The following HERC3 variants were observed in gnomAD, a reference collection of about 807,000 sequenced individuals.
HERC3 encodes probable E3 ubiquitin-protein ligase HERC3.
HERC3 carries 58 observed loss-of-function variants against 129.9 expected under a neutral mutation model. The ratio of observed to expected loss-of-function variants is 0.45; its 90% CI spans 0.36 to 0.56. The LOEUF is 0.56. Among genes scored for constraint, HERC3 ranks in the 20% least tolerant of loss-of-function variants. The pLI, the probability that HERC3 is intolerant of heterozygous loss-of-function variation, is 0.00. For synonymous variants in HERC3, 430 were observed against 451.0 expected, an observed-to-expected ratio of 0.95 and a Z score of 0.59; for missense variants, 835 against 1,244.2, an observed-to-expected ratio of 0.67 and a Z score of 4.95.
intron 12 of HERC3, among the ~76,000 whole-genome samples, chr4:88,666,377 G>A (rs968612472): frequency 1.1e-4 from 17 of 152,016 alleles, no homozygotes; most frequent in African/African-American, 4.1e-4. Flanking sequence ...ATAGCAAAAA[G>A]CATATGGAAA....
the HERC3 span, among the ~76,000 whole-genome samples, chr4:88,529,921 G>C: frequency 6.6e-6 from 1 of 152,060 alleles, no homozygotes; most frequent in Non-Finnish European, 1.5e-5. Context: ...TATTGATTCG[G>C]TTCAGTAAAT....
the HERC3 span, among the ~76,000 whole-genome samples, chr4:88,557,624 A>T: frequency 6.6e-6 from 1 of 152,194 alleles, no homozygotes; most frequent in Non-Finnish European, 1.5e-5. Flanking sequence ...CTCATTATAT[A>T]AAGAATAAAG....
rs201978921 is a variant in HERC3 at position 88,678,112 on chromosome 4, T to A, written c.2174T>A (p.Ile725Asn). ...AGAGAGCTGAGCATTCATTCTGATA[T>A]TGATTTGAAAAAGCCTCTCAAAGTG... Reference protein sequence around the residue: ...ALRELSIHSDIDLKKPLKVIF... With the variant: ...ALRELSIHSDNDLKKPLKVIF... The change falls in exon 19 of 26, where the codon ATT (isoleucine) becomes AAT (asparagine). Residue 725 changes from isoleucine to asparagine, a missense_variant. Physicochemically the swap from Ile to Asn is moderately radical, Grantham distance 149. Coordinates refer to ENST00000402738, the MANE Select transcript of HERC3 (RefSeq NM_014606.3). 1.9e-5 allele frequency: 31 copies of A among 1,613,932 alleles called. No individual in the cohort carries two copies. The highest frequency in any genetic ancestry group is 2.5e-5 in the Non-Finnish European group (29 of 1,179,978).
intron 2 of HERC3, among the ~76,000 whole-genome samples, chr4:88,603,684 A>T (rs1723282705): frequency 6.6e-6 from 1 of 152,220 alleles, no homozygotes; most frequent in South Asian, 2.1e-4. Context: ...TTCCAACTTT[A>T]TCAATAGTCA....
chr4:88,694,115 C>A (rs1734351191), intron 23 of HERC3, among the ~76,000 whole-genome samples: 1 of 152,146 alleles, frequency 6.6e-6, no homozygotes, highest in South Asian at 2.1e-4. Context: ...TTATCATAAA[C>A]AAAAGAAAGA....
the HERC3 span, among the ~76,000 whole-genome samples, chr4:88,571,126 A>T: frequency 6.6e-6 from 1 of 152,052 alleles, no homozygotes; most frequent in Non-Finnish European, 1.5e-5. Context: ...GGTCAGTCCC[A>T]GGTGCCATCG....
the HERC3 span, among the ~76,000 whole-genome samples, chr4:88,570,905 C>T: frequency 4.3e-4 from 66 of 151,846 alleles, 1 homozygote; most frequent in East Asian, 0.013. Flanking sequence ...AGGCGCCCAC[C>T]ACCACCCCCA....
the HERC3 span, among the ~76,000 whole-genome samples, chr4:88,578,506 C>T: frequency 1.3e-3 from 192 of 151,672 alleles, no homozygotes; most frequent in Middle Eastern, 3.4e-3. Context: ...TGCTTGAACC[C>T]GGGGGGTGGA....
intron 3 of HERC3, among the ~76,000 whole-genome samples, chr4:88,625,409 CAT>C (rs372513231): frequency 1.8e-4 from 28 of 152,222 alleles, no homozygotes; most frequent in African/African-American, 5.3e-4. Flanking sequence ...AGGTCTTACA[CAT>C]GTTTCATTTT....
chr4:88,642,319 G>T (rs1361591595), intron 3 of HERC3, among the ~76,000 whole-genome samples: 1 of 152,094 alleles, frequency 6.6e-6, no homozygotes, highest in Non-Finnish European at 1.5e-5. Flanking sequence ...ACAGAAAACA[G>T]AATTTGACAT....
intron 19 of HERC3, 146 bp from the exon 20 acceptor site, chr4:88,679,945 GAC>G: frequency 1.7e-6 from 1 of 599,332 alleles, no homozygotes. Flanking sequence ...ATAATCAACA[GAC>G]ACACCTTGCA....
At chr4:88,560,328 C>A in the HERC3 span, among the ~76,000 whole-genome samples, 3 of 152,096 alleles carry the variant, frequency 2.0e-5, no homozygotes, top group African/African-American at 4.8e-5. Flanking sequence ...ATTTAAATTT[C>A]TCTGATGATT....
At chr4:88,571,088 C>T in the HERC3 span, among the ~76,000 whole-genome samples, 1 of 151,974 alleles carries the variant, frequency 6.6e-6, no homozygotes. Context: ...GATGGGGTCT[C>T]ACTGTGTTGT....
intron 16 of HERC3, among the ~76,000 whole-genome samples, chr4:88,675,458 T>C (rs1732058890): frequency 6.6e-6 from 1 of 152,180 alleles, no homozygotes; most frequent in African/African-American, 2.4e-5. Flanking sequence ...ACACCCATGG[T>C]TTTCTTTTTG....
intron 3 of HERC3, among the ~76,000 whole-genome samples, chr4:88,617,940 G>A (rs887353537): frequency 4.6e-5 from 7 of 152,158 alleles, no homozygotes; most frequent in African/African-American, 1.2e-4. Context: ...TAGGCAGCAA[G>A]TCCCCTGGTT....
chr4:88,545,430 CTTTTT>C, the HERC3 span, among the ~76,000 whole-genome samples: 6 of 110,398 alleles, frequency 5.4e-5, 1 homozygote, highest in East Asian at 1.5e-3. Context: ...TTTGAGAATT[CTTTTT>C]TTTTTTTTTT....
chr4:88,528,467 G>A, the HERC3 span, among the ~76,000 whole-genome samples: 2 of 152,088 alleles, frequency 1.3e-5, no homozygotes, highest in Admixed American at 6.5e-5. Flanking sequence ...TGGAACTAAT[G>A]GCTCAAGATC....
intron 23 of HERC3, chr4:88,689,943 T>TA (rs1448783557): frequency 2.1e-6 from 2 of 950,992 alleles, no homozygotes; most frequent in Non-Finnish European, 2.5e-6. Flanking sequence ...ATTAACCATT[T>TA]TTTTTTTGTC....
chr4:88,697,965 C>T, intron 23 of HERC3: 2 of 648,184 alleles, frequency 3.1e-6, no homozygotes, highest in Non-Finnish European at 5.3e-6. Context: ...CCAGATTCCT[C>T]CTGTTGCTAC....
Sources: allele counts gnomAD v4.1 joint callset (sites outside exome capture counted in the v4.1 genomes callset), GRCh38; gene constraint gnomAD v4.1.1; transcripts MANE v1.5; gene names NCBI Gene and HGNC (gene_info 2026-07-23, HGNC 2026-07-21).